Variants in CHRM3 observed in about 807,000 individuals in gnomAD.
The protein encoded by CHRM3 is muscarinic acetylcholine receptor M3.
In CHRM3, 11 loss-of-function variants were observed where a neutral mutation model predicts 41.8. The observed-to-expected ratio is 0.26, with a 90% CI of 0.17 to 0.44. The LOEUF (loss-of-function observed/expected upper bound fraction) is 0.44. CHRM3 is among the 20% of genes least tolerant of loss of function. CHRM3 has a pLI of 1.00. For missense variants in CHRM3, 571 were observed against 745.4 expected (o/e 0.77, Z 2.72); for synonymous variants, 297 against 301.4 (o/e 0.99, Z 0.15).
intron 2 of CHRM3, among the ~76,000 whole-genome samples, chr1:239,500,069 C>A (rs1413984342): frequency 6.6e-6 from 1 of 151,870 alleles, no homozygotes; most frequent in South Asian, 2.1e-4. Flanking sequence ...TCATAGATAG[C>A]TTTTATTATT....
chr1:239,822,488 T>G (rs1457318171), intron 5 of CHRM3, among the ~76,000 whole-genome samples: 2 of 152,204 alleles, frequency 1.3e-5, no homozygotes, highest in African/African-American at 4.8e-5. Context: ...TAGCATGAAA[T>G]GTGAGCATAT....
At chr1:239,520,737 C>G (rs1669587035) in intron 2 of CHRM3, among the ~76,000 whole-genome samples, 1 of 152,144 alleles carries the variant, frequency 6.6e-6, no homozygotes, top group African/African-American at 2.4e-5. Context: ...GCATTCTAAC[C>G]AGACCCTTCC....
chr1:239,840,743 T>C (rs1244447277), intron 6 of CHRM3, among the ~76,000 whole-genome samples: 1 of 152,234 alleles, frequency 6.6e-6, no homozygotes, highest in African/African-American at 2.4e-5. Context: ...TTATATATTC[T>C]TTCAATAACT....
At chr1:239,601,832 T>C (rs1240103890) in intron 3 of CHRM3, among the ~76,000 whole-genome samples, 1 of 152,044 alleles carries the variant, frequency 6.6e-6, no homozygotes, top group African/African-American at 2.4e-5. Flanking sequence ...ATTTGAAAAA[T>C]ATCCCTTTGT....
intron 1 of CHRM3, among the ~76,000 whole-genome samples, chr1:239,422,430 A>C (rs917497900): frequency 6.6e-6 from 1 of 152,128 alleles, no homozygotes; most frequent in Non-Finnish European, 1.5e-5. Context: ...AAACATTGGG[A>C]AAATATGAAT....
intron 3 of CHRM3, among the ~76,000 whole-genome samples, chr1:239,550,065 T>C (rs747781750): frequency 1.1e-4 from 16 of 151,934 alleles, no homozygotes; most frequent in Admixed American, 2.0e-4. Flanking sequence ...GAGAGGTTTA[T>C]GTGACCCTCT....
intron 5 of CHRM3, among the ~76,000 whole-genome samples, chr1:239,814,976 G>C (rs1010739005): frequency 1.3e-5 from 2 of 151,900 alleles, no homozygotes; most frequent in African/African-American, 4.8e-5. Context: ...GGGTTTCATC[G>C]TGTTTGCCAG....
At chr1:239,669,379 ACGT>A (rs1243328117) in intron 4 of CHRM3, among the ~76,000 whole-genome samples, 4 of 152,204 alleles carry the variant, frequency 2.6e-5, no homozygotes, top group African/African-American at 7.2e-5. Context: ...ATTTCTCTAC[ACGT>A]TGTTGTTTTA....
Position 239,862,698 on chromosome 1 carries a change from C to G in CHRM3, c.-20+35320C>G, listed in dbSNP as rs553843235. Among the ~76,000 whole-genome samples, 2 of 152,124 alleles carry G rather than the reference C, an allele frequency of 1.3e-5. 1 individual carries two copies. Among genetic ancestry groups the G allele is most frequent in the Non-Finnish European group, 2.9e-5 (2 of 68,024 alleles). The stretch of plus-strand genomic sequence containing the variant: ...TTTGAAAATAAATATGACTAAGACT[C>G]CCAGTCTGCTTCATAAAGCAGAAAG... On this transcript the variant is annotated intron_variant, in intron 6 of 6. Coordinates refer to ENST00000676153, the MANE Select transcript of CHRM3 (RefSeq NM_001375978.1).
intron 6 of CHRM3, among the ~76,000 whole-genome samples, chr1:239,835,745 G>C (rs758074936): frequency 7.9e-5 from 12 of 152,168 alleles, no homozygotes; most frequent in Non-Finnish European, 1.0e-4. Context: ...TTATTTCTCC[G>C]TGTATGTGTG....
chr1:239,558,109 AAAGCATTCCTATTTCTCTGCAACCTCAC>A (rs1660536600), intron 3 of CHRM3, among the ~76,000 whole-genome samples: 2 of 152,186 alleles, frequency 1.3e-5, no homozygotes, highest in South Asian at 4.1e-4. Flanking sequence ...CAACAGTGCA[AAAGCATTCCTATTTCTCTGCAACCTCAC>A]AAGCATCTCT....
At chr1:239,404,917 T>C (rs1465144351) in intron 1 of CHRM3, among the ~76,000 whole-genome samples, 1 of 151,612 alleles carries the variant, frequency 6.6e-6, no homozygotes, top group East Asian at 1.9e-4. Context: ...ATGCTATGTT[T>C]AGGGGTTACA....
At chr1:239,789,587 C>A (rs1266368858) in intron 5 of CHRM3, among the ~76,000 whole-genome samples, 1 of 152,114 alleles carries the variant, frequency 6.6e-6, no homozygotes, top group Non-Finnish European at 1.5e-5. Context: ...GCAGAGATCA[C>A]ATGGAAAGAG....
In CHRM3 at chr1:239,908,417, C is replaced by T. The variant is rs768366735; in HGVS notation, c.966C>T (p.Pro322=). 1.1e-5 allele frequency: 17 copies of T among 1,613,940 alleles called. No homozygotes were observed. Among genetic ancestry groups the T allele is most frequent in the Non-Finnish European group, 1.4e-5 (16 of 1,180,034 alleles). The stretch of plus-strand genomic sequence containing the variant: ...GGTTCACAACCAAGAGCTGGAAACC[C>T]AGCTCCGAGCAGATGGACCAAGACC... ...HFWFTTKSWK[P]SSEQMDQDHS... Residue 322 remains proline, a synonymous_variant, in exon 7 of 7, where the codon CCC becomes CCT. Coordinates refer to ENST00000676153, the MANE Select transcript of CHRM3 (RefSeq NM_001375978.1). This position sits in a 1 kb window ranked among gnomAD's most constrained non-coding sequence, Gnocchi z 7.2.
intron 5 of CHRM3, among the ~76,000 whole-genome samples, chr1:239,715,481 A>G (rs1199399724): frequency 6.6e-6 from 1 of 152,150 alleles, no homozygotes; most frequent in African/African-American, 2.4e-5. Flanking sequence ...GAGTAAAACT[A>G]TCATGGAAGA....
chr1:239,693,263 A>C (rs1289605864), intron 5 of CHRM3, among the ~76,000 whole-genome samples: 1 of 152,124 alleles, frequency 6.6e-6, no homozygotes, highest in African/African-American at 2.4e-5. Flanking sequence ...GAAACTCCCC[A>C]AATTTCTGCA....
intron 4 of CHRM3, among the ~76,000 whole-genome samples, chr1:239,656,168 G>T (rs189879771): frequency 9.9e-5 from 15 of 151,884 alleles, no homozygotes; most frequent in African/African-American, 2.2e-4. Flanking sequence ...GGGAAGGAAG[G>T]GGGGGAAAGG....
intron 3 of CHRM3, among the ~76,000 whole-genome samples, chr1:239,566,517 T>G (rs1661377883): frequency 6.6e-6 from 1 of 152,220 alleles, no homozygotes; most frequent in Non-Finnish European, 1.5e-5. Flanking sequence ...TGTTCAGCTT[T>G]CCTAGATGTC....
intron 1 of CHRM3, among the ~76,000 whole-genome samples, chr1:239,413,220 C>G (rs1329837432): frequency 1.3e-5 from 2 of 152,134 alleles, no homozygotes; most frequent in Non-Finnish European, 2.9e-5. Context: ...CCCAACAAGG[C>G]AAGCTCCTTT....
Sources: gnomAD v4.1 joint callset for allele counts (sites outside exome capture counted in the v4.1 genomes callset) on GRCh38, gnomAD v4.1.1 for gene constraint, Gnocchi (gnomAD v3.1) non-coding constraint, MANE v1.5 for transcripts, NCBI Gene and HGNC (gene_info 2026-07-23, HGNC 2026-07-21) for gene names.